Variants in TARBP1 observed in about 807,000 individuals in gnomAD.
TARBP1 encodes the protein tRNA (guanosine(18)-2'-O)-methyltransferase TARBP1.
Under a neutral mutation model 178.6 loss-of-function variants are expected in TARBP1, and 144 were observed. The ratio of observed to expected loss-of-function variants is 0.81; its 90% CI spans 0.70 to 0.93. TARBP1 has a LOEUF of 0.93. Ranked by LOEUF, TARBP1 falls within the 40% of genes least tolerant of loss-of-function variation. TARBP1 has a pLI of 0.00. For missense variants in TARBP1, 2,067 were observed against 2,011.7 expected, an observed-to-expected ratio of 1.03 and a Z score of -0.53; for synonymous variants, 787 against 781.0, an observed-to-expected ratio of 1.01 and a Z score of -0.13.
intron 1 of TARBP1, among the ~76,000 whole-genome samples, chr1:234,474,508 T>C (rs183994516): frequency 6.6e-6 from 1 of 152,226 alleles, no homozygotes; most frequent in Admixed American, 6.5e-5. Flanking sequence ...AGCACAAGGA[T>C]GAAAATAGAC....
chr1:234,396,030 T>G (rs1193666948), intron 26 of TARBP1, among the ~76,000 whole-genome samples: 1 of 152,104 alleles, frequency 6.6e-6, no homozygotes, highest in African/African-American at 2.4e-5. Flanking sequence ...CCCATAAATA[T>G]GTACAATTAT....
intron 10 of TARBP1, among the ~76,000 whole-genome samples, chr1:234,449,543 T>C (rs1011019615): frequency 1.3e-5 from 2 of 152,192 alleles, no homozygotes; most frequent in Non-Finnish European, 2.9e-5. Context: ...TAATAGAGAC[T>C]AACATATTTA....
At chr1:234,394,637 T>C (rs1032513367) in intron 26 of TARBP1, among the ~76,000 whole-genome samples, 6 of 152,176 alleles carry the variant, frequency 3.9e-5, no homozygotes, top group East Asian at 1.9e-4. Flanking sequence ...GGAAGGAAGG[T>C]AAAAGTTTGC....
At chr1:234,464,490 T>C (rs1271339703) in intron 5 of TARBP1, among the ~76,000 whole-genome samples, 2 of 152,252 alleles carry the variant, frequency 1.3e-5, no homozygotes, top group Admixed American at 6.5e-5. Flanking sequence ...CATTTCATAA[T>C]AAATGTGTTT....
At chr1:234,401,076 C>A in intron 25 of TARBP1, 105 bp downstream of exon 25, 3 of 821,586 alleles carry the variant, frequency 3.7e-6, no homozygotes, top group South Asian at 3.6e-5. Flanking sequence ...TGTTTGTAAG[C>A]AAGAAAAAAA....
Position 234,392,660 on chromosome 1 carries a change from AAGG to A in TARBP1, c.4561-111_4561-109del, listed in dbSNP as rs1014258641. 5 of 998,234 alleles carry A rather than the reference AAGG, an allele frequency of 5.0e-6. No individual in the cohort carries two copies. The African/African-American group carries it at 5.1e-5, about 10-fold the overall frequency. The allele number at this position is 998,234 out of a possible 1,614,324, so 61.8% of individuals were successfully genotyped here. ...CCTAAACTTAACTCTTTAAAAGAAAAAGGAGAGAATTATACATTATAAAAAAGA... is the reference window on the plus strand; with the variant it reads ...CCTAAACTTAACTCTTTAAAAGAAAAAGAGAATTATACATTATAAAAAAGA... On this transcript the variant is annotated intron_variant, in intron 28 of 29. Transcript: ENST00000040877.
chr1:234,448,015 C>T (rs1264550806), intron 11 of TARBP1, among the ~76,000 whole-genome samples: 1 of 152,222 alleles, frequency 6.6e-6, no homozygotes, highest in Non-Finnish European at 1.5e-5. Flanking sequence ...TCGTGGCTCA[C>T]TGCAACCTCC....
chr1:234,472,687 G>A lies in TARBP1; in HGVS notation c.1029+27C>T, dbSNP rs1460114528. 4.0e-6 allele frequency: 6 copies of A among 1,482,766 alleles called. No homozygotes were observed. In the African/African-American group the frequency reaches 7.1e-5, roughly 18 times the overall value. 91.9% of individuals were successfully genotyped at this position (1,482,766 alleles called of 1,614,324 possible). ...AAAGAAAAATTGTTATCTACTGTAGGATTTGCTAAAATAGAAAAACACTTA... is the reference window on the plus strand; with the variant it reads ...AAAGAAAAATTGTTATCTACTGTAGAATTTGCTAAAATAGAAAAACACTTA... On this transcript the variant is annotated intron_variant, in intron 2 of 29. Transcript: ENST00000040877.
At position 234,391,583 on chromosome 1, in the gene TARBP1, C is replaced by T; in HGVS notation, c.4860G>A (p.Lys1620=). The change falls in exon 30 of 30, where the codon AAG becomes AAA. Residue 1620 remains lysine, a synonymous_variant. Transcript: ENST00000040877. ...GTTCACTAAGGAAGGCACATCATGG[C>T]TTGGTATCTCCGTGCGAGAGCAGCT... ...RQQLLSHGDT[K]P is the part of the protein sequence containing the mutation. 2 of 1,608,104 alleles carry T rather than the reference C, an allele frequency of 1.2e-6. No homozygotes were observed. The highest frequency in any genetic ancestry group is 1.7e-6 in the Non-Finnish European group (2 of 1,176,626).
intron 12 of TARBP1, among the ~76,000 whole-genome samples, chr1:234,440,793 C>T (rs1284463481): frequency 6.6e-6 from 1 of 152,096 alleles, no homozygotes; most frequent in East Asian, 1.9e-4. Flanking sequence ...AACAGCTTCC[C>T]CTCAAAAGAA....
intron 12 of TARBP1, among the ~76,000 whole-genome samples, chr1:234,442,151 G>A (rs941811137): frequency 6.6e-5 from 10 of 152,038 alleles, no homozygotes; most frequent in African/African-American, 2.2e-4. Context: ...ATAAACGAAG[G>A]AGAAAAATCC....
At chr1:234,394,974 A>G (rs1659774407) in intron 26 of TARBP1, among the ~76,000 whole-genome samples, 1 of 151,774 alleles carries the variant, frequency 6.6e-6, no homozygotes, top group Non-Finnish European at 1.5e-5. Flanking sequence ...CTATAATCCC[A>G]GCACTTTAGG....
chr1:234,463,303 T>C (rs1300496351), intron 6 of TARBP1, among the ~76,000 whole-genome samples: 1 of 152,136 alleles, frequency 6.6e-6, no homozygotes, highest in South Asian at 2.1e-4. Flanking sequence ...TTTGTATTTT[T>C]AGTGGAGACA....
At chr1:234,424,113 C>G (rs754012878) in intron 20 of TARBP1, among the ~76,000 whole-genome samples, 1 of 152,136 alleles carries the variant, frequency 6.6e-6, no homozygotes, top group Non-Finnish European at 1.5e-5. Context: ...GACCTGCTAC[C>G]TTCAGAAAAT....
intron 12 of TARBP1, among the ~76,000 whole-genome samples, chr1:234,442,372 T>C (rs1287196716): frequency 6.6e-6 from 1 of 152,198 alleles, no homozygotes; most frequent in African/African-American, 2.4e-5. Flanking sequence ...GAAGATTTAA[T>C]AGACACTTCA....
In TARBP1 at chr1:234,396,299, T is replaced by C. The variant is rs183009858; in HGVS notation, c.4243+2083A>G. Among the ~76,000 whole-genome samples, 203 of 152,306 alleles carry C rather than the reference T, an allele frequency of 1.3e-3. 1 individual carries two copies. The highest frequency in any genetic ancestry group is 4.5e-3 in the African/African-American group (185 of 41,566). The stretch of plus-strand genomic sequence containing the variant: ...CCTCCCAGGCTCTACCCAACCGCAC[T>C]GGGAAGTGCCTCCTGTCACTGTCCT... On this transcript the variant is annotated intron_variant, in intron 26 of 29. Transcript: ENST00000040877.
chr1:234,401,339 A>G (rs952399120), intron 24 of TARBP1, 77 bp from the exon 25 acceptor site: 16 of 1,116,054 alleles, frequency 1.4e-5, no homozygotes, highest in Non-Finnish European at 2.1e-5. Context: ...TCAGTATCTT[A>G]AAGGGTGGCT....
rs187541399 is a variant in TARBP1, at chr1:234,460,621, C to T, written c.1400-225G>A. On this transcript the variant is annotated intron_variant, in intron 6 of 29. Coordinates refer to ENST00000040877, the MANE Select transcript of TARBP1 (RefSeq NM_005646.4). ...TGGTGGGAATGTAAAACGGTGCAGC[C>T]GCTGTGGAAAAAAATATGGCAGTTC... is the stretch of plus-strand genomic sequence containing the variant. 5.3e-5 allele frequency among the ~76,000 whole-genome samples: 8 copies of T among 152,172 alleles called. No individual in the cohort carries two copies. In the East Asian group the frequency reaches 1.5e-3, roughly 29 times the overall value.
Position 234,420,726 on chromosome 1 carries a change from C to A in TARBP1, c.3531G>T (p.Leu1177=). ...CCTGGTCAAGTCTAGGGAAAAGTAC[C>A]AGCAGAGTCTGCCACACTCGGTTTT... ...RVKNRVWQTL[L]VLFPRLDQNF... Residue 1177 remains leucine, a synonymous_variant, in exon 21 of 30, where the codon CTG becomes CTT. Coordinates refer to ENST00000040877, the MANE Select transcript of TARBP1 (RefSeq NM_005646.4). 1 of 1,611,048 alleles carries A rather than the reference C, an allele frequency of 6.2e-7. No individual in the cohort carries two copies. Among genetic ancestry groups the A allele is most frequent in the African/African-American group, 1.3e-5 (1 of 74,866 alleles).
Sources: allele counts gnomAD v4.1 joint callset (sites outside exome capture counted in the v4.1 genomes callset), GRCh38; gene constraint gnomAD v4.1.1; transcripts MANE v1.5; gene names NCBI Gene and HGNC (gene_info 2026-07-23, HGNC 2026-07-21).